The following CSPP1 variants were observed in gnomAD, a reference collection of about 807,000 sequenced individuals.
CSPP1 encodes the protein centrosome and spindle pole associated protein 1, also known as centrosome and spindle pole-associated protein 1.
A neutral mutation model predicts 164.4 loss-of-function variants in CSPP1; 126 were observed. The ratio of observed to expected loss-of-function variants is 0.77; its 90% confidence interval spans 0.66 to 0.89. The LOEUF is 0.89. Among genes scored for constraint, CSPP1 ranks in the 40% least tolerant of loss-of-function variants. The probability of loss-of-function intolerance (pLI) is 0.00; values close to 1 mark genes in which losing one functional copy is unlikely to be tolerated. For missense variants in CSPP1, 1,395 were observed against 1,449.8 expected (o/e 0.96, Z 0.61); for synonymous variants, 472 against 476.7 (o/e 0.99, Z 0.13).
chr8:67,118,674 G>T, intron 14 of CSPP1, 69 bp from the exon 15 acceptor site: 1 of 1,081,006 alleles, frequency 9.3e-7, no homozygotes, highest in East Asian at 2.6e-5. Context: ...TTTTCTGGAG[G>T]AATAAGTAAA....
At chr8:67,172,353 T>C in intron 24 of CSPP1, 63 bp from the exon 25 acceptor site, 2 of 1,330,708 alleles carry the variant, frequency 1.5e-6, no homozygotes, top group Non-Finnish European at 2.1e-6. Flanking sequence ...TTACAGTGAA[T>C]TAGATGTGAA....
intron 3 of CSPP1, among the ~76,000 whole-genome samples, chr8:67,079,875 A>T (rs565625584): frequency 6.6e-6 from 1 of 152,322 alleles, no homozygotes; most frequent in Admixed American, 6.5e-5. Flanking sequence ...TACTGCTTGG[A>T]AAAGTTGTTT....
chr8:67,145,822 C>A (rs1321428727), intron 17 of CSPP1, among the ~76,000 whole-genome samples: 1 of 151,670 alleles, frequency 6.6e-6, no homozygotes, highest in African/African-American at 2.4e-5. Flanking sequence ...CGTGCCCAGC[C>A]CCCTTTTCTA....
chr8:67,135,917 G>A (rs1396819661), intron 16 of CSPP1: 1 of 152,102 alleles, frequency 6.6e-6, no homozygotes, highest in South Asian at 2.1e-4. Context: ...GCCATTGTAG[G>A]GTTATTATTT....
chr8:67,086,062 TA>T lies in CSPP1; in HGVS notation c.258del (p.Lys86AsnfsTer2). 2.0e-6 allele frequency: 3 copies of T among 1,529,128 alleles called. No homozygotes were observed. Among genetic ancestry groups the T allele is most frequent in the Non-Finnish European group, 2.7e-6 (3 of 1,102,760 alleles). The allele number at this position is 1,529,128 out of a possible 1,614,324, so 94.7% of individuals were successfully genotyped here. A position where few individuals can be genotyped will look rare whatever the true frequency, so the allele number is the denominator to read the frequency against. On this transcript the variant is annotated frameshift_variant, in exon 4 of 31. Transcript: ENST00000678616. LOFTEE classifies it high-confidence loss of function. ...LGEDYERKKH[K>X]LKEELRQDYR... is the part of the protein sequence containing the mutation. The stretch of plus-strand genomic sequence containing the variant: ...GAGAAGACTATGAACGGAAGAAACA[TA>T]AATTAAAAGAAGAATTGCGGCAAGA...
chr8:67,164,412 T>C lies in CSPP1; in HGVS notation c.2732T>C (p.Met911Thr). 1 of 1,585,250 alleles carries C rather than the reference T, an allele frequency of 6.3e-7. No homozygotes were observed. The highest frequency in any genetic ancestry group is 8.7e-7 in the Non-Finnish European group (1 of 1,154,370). ...GCAGAGGAGAAAAAAAATGTAATTA[T>C]GGAATTATCAGAAATGAGAAAACAG... ...RAEEEKKNVI[M>T]ELSEMRKQLR... The change falls in exon 24 of 31, where the codon ATG becomes ACG. Residue 911 changes from methionine to threonine, a missense_variant. Met to Thr is a moderately conservative substitution (Grantham distance 81). Coordinates refer to ENST00000678616, the MANE Select transcript of CSPP1 (RefSeq NM_001382391.1).
chr8:67,129,345 A>G lies in CSPP1; in HGVS notation c.1698-2606A>G, dbSNP rs555428696. ...AGGAAGGTACAAGGATTAGAAAGGA[A>G]GAGAGAAAACTGATGTTATTTGCAA... On this transcript the variant is annotated intron_variant, in intron 15 of 30. Transcript: ENST00000678616. Among the ~76,000 whole-genome samples, 241 of 152,320 alleles carry G rather than the reference A, an allele frequency of 1.6e-3. 1 individual carries two copies. The highest frequency in any genetic ancestry group is 2.6e-3 in the Admixed American group (40 of 15,302).
chr8:67,116,126 C>T lies in CSPP1; in HGVS notation c.1496+4C>T. 3 of 1,606,498 alleles carry T rather than the reference C, an allele frequency of 1.9e-6. No homozygotes were observed. Among genetic ancestry groups the T allele is most frequent in the Non-Finnish European group, 2.6e-6 (3 of 1,173,168 alleles). On this transcript the variant is annotated splice_donor_region_variant and intron_variant, in intron 13 of 30. Coordinates refer to ENST00000678616, the MANE Select transcript of CSPP1 (RefSeq NM_001382391.1). ...TTGGTGAAATGGTGTCTCCCAGGTGCTTGTTTAAATGTTTTGTGTTTGGGA... is the reference window on the plus strand; with the variant it reads ...TTGGTGAAATGGTGTCTCCCAGGTGTTTGTTTAAATGTTTTGTGTTTGGGA...
intron 19 of CSPP1, 122 bp from the exon 20 acceptor site, chr8:67,158,325 A>C: frequency 9.0e-7 from 1 of 1,114,094 alleles, no homozygotes; most frequent in Non-Finnish European, 1.2e-6. Context: ...GAGACTGAAA[A>C]ATTTAGGAAC....
chr8:67,147,095 A>G (rs535538589), intron 17 of CSPP1, among the ~76,000 whole-genome samples: 116 of 152,220 alleles, frequency 7.6e-4, no homozygotes, highest in Non-Finnish European at 1.4e-3. Context: ...CTTAATATAA[A>G]TATGTTGAAT....
chr8:67,152,963 C>T (rs1005744889), intron 18 of CSPP1, among the ~76,000 whole-genome samples: 5 of 152,058 alleles, frequency 3.3e-5, no homozygotes, highest in South Asian at 4.1e-4. Context: ...TTTTGGAGGC[C>T]GAGGCGGGCG....
chr8:67,164,671 C>A (rs1024578145), intron 24 of CSPP1, among the ~76,000 whole-genome samples, 163 bp downstream of exon 24: 28 of 152,182 alleles, frequency 1.8e-4, no homozygotes, highest in African/African-American at 6.8e-4. Flanking sequence ...AAATTTAGTT[C>A]TCAAGGGGAT....
chr8:67,088,714 T>C (rs1407241496), intron 4 of CSPP1, among the ~76,000 whole-genome samples: 3 of 150,528 alleles, frequency 2.0e-5, no homozygotes, highest in Non-Finnish European at 4.4e-5. Context: ...GGCTAACACG[T>C]TGAAACCCCG....
chr8:67,176,570 TCTTCAAC>T (rs1182836498), intron 26 of CSPP1, among the ~76,000 whole-genome samples: 1 of 152,182 alleles, frequency 6.6e-6, no homozygotes, highest in Non-Finnish European at 1.5e-5. Flanking sequence ...GCAAGTGCAT[TCTTCAAC>T]CTTTGTACCC....
At chr8:67,159,429 C>T (rs190863147) in intron 21 of CSPP1, among the ~76,000 whole-genome samples, 1 of 139,318 alleles carries the variant, frequency 7.2e-6, no homozygotes, top group East Asian at 2.2e-4. Flanking sequence ...GCAGACAGTA[C>T]AACATGAACT....
chr8:67,137,654 CT>C, intron 17 of CSPP1, 51 bp downstream of exon 17: 1 of 1,313,364 alleles, frequency 7.6e-7, no homozygotes, highest in Non-Finnish European at 1.0e-6. Flanking sequence ...TTATTTTTAA[CT>C]TTTTAAAAGA....
chr8:67,194,004 T>C (rs920380461), intron 30 of CSPP1, among the ~76,000 whole-genome samples: 1 of 152,252 alleles, frequency 6.6e-6, no homozygotes, highest in Non-Finnish European at 1.5e-5. Context: ...AGAAAATTTT[T>C]ACCTTCTTCT....
chr8:67,107,770 A>T (rs1815885179), intron 9 of CSPP1, among the ~76,000 whole-genome samples: 1 of 152,128 alleles, frequency 6.6e-6, no homozygotes. Flanking sequence ...AAAAAGTGAG[A>T]TCATTGATTT....
At chr8:67,078,456 C>G (rs1453105579) in intron 3 of CSPP1, among the ~76,000 whole-genome samples, 1 of 152,068 alleles carries the variant, frequency 6.6e-6, no homozygotes, top group Non-Finnish European at 1.5e-5. Context: ...ATTCATCCTC[C>G]CTCCTCAGCC....
Sources: allele counts gnomAD v4.1 joint callset (sites outside exome capture counted in the v4.1 genomes callset), GRCh38; gene constraint gnomAD v4.1.1; transcripts MANE v1.5; gene names NCBI Gene and HGNC (gene_info 2026-07-23, HGNC 2026-07-21).